SH3GLB1: variants seen among roughly 807,000 people sequenced by gnomAD.
SH3GLB1 encodes the protein SH3 domain containing GRB2 like, endophilin B1, also known as endophilin-B1.
A neutral mutation model predicts 42.0 loss-of-function variants in SH3GLB1; 17 were observed. The observed-to-expected ratio is 0.40, with a 90% confidence interval of 0.28 to 0.61. SH3GLB1 has a LOEUF of 0.61. Ranked by LOEUF, SH3GLB1 falls within the 20% of genes least tolerant of loss-of-function variation. SH3GLB1 has a pLI of 0.36. For synonymous variants in SH3GLB1, 132 were observed against 146.6 expected, an observed-to-expected ratio of 0.90 and a Z score of 0.72; for missense variants, 355 against 426.3, an observed-to-expected ratio of 0.83 and a Z score of 1.47.
intron 7 of SH3GLB1, among the ~76,000 whole-genome samples, chr1:86,739,653 A>G (rs553700526): frequency 6.6e-6 from 1 of 152,180 alleles, no homozygotes; most frequent in Non-Finnish European, 1.5e-5. Flanking sequence ...GGGTCTAGCA[A>G]TTTTTTGCTT....
At chr1:86,724,912 TAAA>T (rs375596882) in intron 5 of SH3GLB1, among the ~76,000 whole-genome samples, 22 of 123,084 alleles carry the variant, frequency 1.8e-4, no homozygotes, top group African/African-American at 6.8e-4. Context: ...TATATATATA[TAAA>T]ATATATAATA....
chr1:86,746,036 A>C lies in SH3GLB1; in HGVS notation c.*2801A>C, dbSNP rs1256332455. 2 of 152,622 alleles carry C rather than the reference A, an allele frequency of 1.3e-5. No individual in the cohort carries two copies. Among genetic ancestry groups the C allele is most frequent in the African/African-American group, 4.8e-5 (2 of 41,450 alleles). 9.5% of individuals were successfully genotyped at this position (152,622 alleles called of 1,614,324 possible). On this transcript the variant is annotated 3_prime_UTR_variant, in exon 9 of 9. Coordinates refer to ENST00000370558, the MANE Select transcript of SH3GLB1 (RefSeq NM_016009.5). Reference sequence around the variant, plus strand: ...TGGTGTTAAAACTTTTTATGGTGCTAATCAGAAAAATTGATGTTGCAAGAA... The same window carrying C: ...TGGTGTTAAAACTTTTTATGGTGCTCATCAGAAAAATTGATGTTGCAAGAA...
At chr1:86,724,184 C>T (rs989842066) in intron 4 of SH3GLB1, 129 bp from the exon 5 acceptor site, 2 of 566,042 alleles carry the variant, frequency 3.5e-6, no homozygotes, top group African/African-American at 3.9e-5. Flanking sequence ...AACTTTATAG[C>T]CAATTTTGTA....
At chr1:86,738,934 A>G (rs537892314) in intron 7 of SH3GLB1, among the ~76,000 whole-genome samples, 5 of 152,304 alleles carry the variant, frequency 3.3e-5, no homozygotes, top group Admixed American at 1.3e-4. Flanking sequence ...GTGAGCCACC[A>G]CGTCCATCTG....
Position 86,725,645 on chromosome 1 carries a change from AT to A in SH3GLB1, c.570+1242del, listed in dbSNP as rs541654450. Among the ~76,000 whole-genome samples, 651 of 152,236 alleles carry A rather than the reference AT, an allele frequency of 4.3e-3. 3 individuals carry two copies. Among genetic ancestry groups the A allele is most frequent in the African/African-American group, 0.015 (625 of 41,554 alleles). ...ACTACCACTGCCAACATCAAGAATC[AT>A]TGCGTTAATGAGCATATTACCACAG... is the stretch of plus-strand genomic sequence containing the variant. On this transcript the variant is annotated intron_variant, in intron 5 of 8. Transcript: ENST00000370558.
At chr1:86,731,754 A>G (rs745347389) in intron 5 of SH3GLB1, among the ~76,000 whole-genome samples, 1 of 152,084 alleles carries the variant, frequency 6.6e-6, no homozygotes, top group Non-Finnish European at 1.5e-5. Flanking sequence ...TTTTTCTTCT[A>G]CATATCTCAC....
At chr1:86,723,987 G>T (rs2101948387) in intron 4 of SH3GLB1, among the ~76,000 whole-genome samples, 1 of 152,284 alleles carries the variant, frequency 6.6e-6, no homozygotes, top group Admixed American at 6.5e-5. Context: ...TCCACCAATT[G>T]TGACAACCAA....
intron 5 of SH3GLB1, among the ~76,000 whole-genome samples, chr1:86,726,615 A>G (rs569665870): frequency 1.3e-5 from 2 of 152,194 alleles, no homozygotes; most frequent in South Asian, 2.1e-4. Context: ...AAATTTAACT[A>G]TAGCCAAATA....
intron 3 of SH3GLB1, among the ~76,000 whole-genome samples, chr1:86,720,198 T>A (rs1316577216): frequency 2.6e-5 from 4 of 152,164 alleles, no homozygotes; most frequent in African/African-American, 9.6e-5. Context: ...TCACTTGTTC[T>A]CCCAGTGATC....
intron 1 of SH3GLB1, among the ~76,000 whole-genome samples, chr1:86,714,392 A>G (rs773280076): frequency 2.0e-5 from 3 of 152,184 alleles, no homozygotes; most frequent in Non-Finnish European, 4.4e-5. Context: ...GGCTTAGGCA[A>G]TAGCTTTGTA....
chr1:86,708,118 GAAAA>G (rs1234359989), intron 1 of SH3GLB1, among the ~76,000 whole-genome samples: 7 of 151,976 alleles, frequency 4.6e-5, no homozygotes, highest in African/African-American at 1.7e-4. Context: ...AAATTTGTAA[GAAAA>G]AAAGGATGCT....
rs779782560 is a variant in SH3GLB1, at chr1:86,704,898, G to C, written c.-2G>C. 9.5e-6 allele frequency: 15 copies of C among 1,576,438 alleles called. No individual in the cohort carries two copies. The Admixed American group carries it at 2.7e-4, about 28-fold the overall frequency. The stretch of plus-strand genomic sequence containing the variant: ...GCCGGCTCCGCCCGGCTGCCGCCTA[G>C]GATGAATATCATGGACTTCAACGTG... On this transcript the variant is annotated 5_prime_UTR_variant, in exon 1 of 9. Coordinates refer to ENST00000370558, the MANE Select transcript of SH3GLB1 (RefSeq NM_016009.5).
intron 5 of SH3GLB1, among the ~76,000 whole-genome samples, chr1:86,724,888 A>ATATATATATATATAT (rs1428217607): frequency 6.0e-5 from 6 of 99,486 alleles, no homozygotes; most frequent in African/African-American, 2.9e-4. Flanking sequence ...AAAAAAAAAA[A>ATATATATATATATAT]AAAAATATAT....
rs192013946 is a variant in SH3GLB1, at chr1:86,727,511, C to G, written c.570+3106C>G. ...GCCTTTATGACGCTCAAAAGAAATG[C>G]TTATTGGAGCTTTTCACTTTAGGGT... On this transcript the variant is annotated intron_variant, in intron 5 of 8. Transcript: ENST00000370558. Among the ~76,000 whole-genome samples the G allele has an allele frequency of 4.9e-4, 74 of 151,998 alleles. 2 individuals carry two copies. Among genetic ancestry groups the G allele is most frequent in the Admixed American group, 4.3e-3 (65 of 15,270 alleles).
intron 7 of SH3GLB1, among the ~76,000 whole-genome samples, chr1:86,740,807 TTAAG>T (rs1251022498): frequency 1.3e-5 from 2 of 152,048 alleles, no homozygotes; most frequent in East Asian, 1.9e-4. Flanking sequence ...TCACCAAGAA[TTAAG>T]TAAGAGATAA....
chr1:86,724,880 A>ATATATATATATATATATATATATATATAT (rs1284567743), intron 5 of SH3GLB1, among the ~76,000 whole-genome samples: 1 of 103,878 alleles, frequency 9.6e-6, no homozygotes, highest in Non-Finnish European at 1.8e-5. Flanking sequence ...TCTTTAAAAA[A>ATATATATATATATATATATATATATATAT]AAAAAAAAAA....
intron 7 of SH3GLB1, among the ~76,000 whole-genome samples, chr1:86,736,380 G>A (rs904427370): frequency 4.6e-5 from 7 of 152,108 alleles, no homozygotes; most frequent in Admixed American, 6.5e-5. Flanking sequence ...AATTGAGCAC[G>A]TCCATGAAAC....
chr1:86,704,939 G>A lies in SH3GLB1; in HGVS notation c.40G>A (p.Asp14Asn). Reference sequence around the variant, plus strand: ...CTTCAACGTGAAGAAGCTGGCGGCCGACGCAGGCACCTTCCTCAGTCGCGC... The same window carrying A: ...CTTCAACGTGAAGAAGCTGGCGGCCAACGCAGGCACCTTCCTCAGTCGCGC... ...MDFNVKKLAA[D>N]AGTFLSRAVQ... The change falls in exon 1 of 9, where the codon GAC (aspartate) becomes AAC (asparagine). Residue 14 changes from aspartate to asparagine, a missense_variant. Physicochemically the swap from Asp to Asn is conservative, Grantham distance 23. Transcript: ENST00000370558. 1 of 1,585,804 alleles carries A rather than the reference G, an allele frequency of 6.3e-7. No homozygotes were observed. Among genetic ancestry groups the A allele is most frequent in the Non-Finnish European group, 8.6e-7 (1 of 1,168,442 alleles).
intron 8 of SH3GLB1, 25 bp from the exon 9 acceptor site, chr1:86,743,103 T>C (rs1163939414): frequency 6.4e-7 from 1 of 1,552,178 alleles, no homozygotes; most frequent in African/African-American, 1.4e-5. Flanking sequence ...ATGTAGTTAA[T>C]AACTGGAAGT....
Sources: allele counts gnomAD v4.1 joint callset (sites outside exome capture counted in the v4.1 genomes callset), GRCh38; gene constraint gnomAD v4.1.1; transcripts MANE v1.5; gene names NCBI Gene and HGNC (gene_info 2026-07-23, HGNC 2026-07-21).